The following MTMR14 variants were observed in gnomAD, a reference collection of about 807,000 sequenced individuals.
MTMR14 encodes the protein phosphatidylinositol-3,5-bisphosphate 3-phosphatase MTMR14.
Under a neutral mutation model 86.3 loss-of-function variants are expected in MTMR14, and 48 were observed. The ratio of observed to expected loss-of-function variants is 0.56; its 90% CI spans 0.44 to 0.71. The LOEUF is 0.71. MTMR14 is among the 30% of genes least tolerant of loss of function. The pLI is 0.00. For synonymous variants in MTMR14, 366 were observed against 326.1 expected (o/e 1.12, Z -1.32); for missense variants, 780 against 834.6 (o/e 0.93, Z 0.81).
chr3:9,684,209 T>C (rs2075861279), intron 10 of MTMR14, among the ~76,000 whole-genome samples: 1 of 152,116 alleles, frequency 6.6e-6, no homozygotes. Context: ...CTGCAATTCA[T>C]GCAGCCCTGC....
At chr3:9,653,301 C>T (rs1354717645) in intron 1 of MTMR14, among the ~76,000 whole-genome samples, 5 of 152,168 alleles carry the variant, frequency 3.3e-5, no homozygotes, top group Non-Finnish European at 5.9e-5. Flanking sequence ...GTTTCAGTAA[C>T]CTGGACCAAG....
chr3:9,686,438 A>G (rs1405749192), intron 13 of MTMR14, among the ~76,000 whole-genome samples: 1 of 152,118 alleles, frequency 6.6e-6, no homozygotes, highest in African/African-American at 2.4e-5. Flanking sequence ...CTCCATGTAG[A>G]CAAGAGGCTC....
rs1009123384 is a variant in MTMR14 at position 9,671,070 on chromosome 3, G to A, written c.577G>A (p.Asp193Asn). 8 of 1,614,150 alleles carry A rather than the reference G, an allele frequency of 5.0e-6. No homozygotes were observed. The highest frequency in any genetic ancestry group is 6.8e-6 in the Non-Finnish European group (8 of 1,180,024). Residue 193 changes from aspartate to asparagine, a missense_variant, in exon 6 of 19, where the codon GAT becomes AAT. By Grantham distance (23) the Asp-to-Asn change is conservative (BLOSUM62 1). Transcript: ENST00000296003. ...ALRSGDTHLF[D>N]KVRGYDIKLL... ...CAGAAGTGGTGACACGCATCTTTTT[G>A]ATAAGGTCAGAGGCTATGACATCAA...
rs1170337657 is a variant in MTMR14, at chr3:9,677,163, T to C, written c.752-154T>C. On this transcript the variant is annotated intron_variant, in intron 7 of 18. Coordinates refer to ENST00000296003, the MANE Select transcript of MTMR14 (RefSeq NM_001077525.3). This position sits in a 1 kb window ranked among gnomAD's most constrained non-coding sequence, Gnocchi z 4.2. ...CTCGCCCCTGGCTTTTGCCCACCCGTGTCAGCCTTGGCCTCACTGAAGCCA... is the reference window on the plus strand; with the variant it reads ...CTCGCCCCTGGCTTTTGCCCACCCGCGTCAGCCTTGGCCTCACTGAAGCCA... Among the ~76,000 whole-genome samples the C allele has an allele frequency of 3.3e-5, 5 of 152,216 alleles. No individual in the cohort carries two copies. Among genetic ancestry groups the C allele is most frequent in the African/African-American group, 9.6e-5 (4 of 41,466 alleles).
chr3:9,685,480 G>A (rs150546901), intron 13 of MTMR14, among the ~76,000 whole-genome samples: 186 of 152,244 alleles, frequency 1.2e-3, no homozygotes, highest in African/African-American at 3.7e-3. Flanking sequence ...CACACGTCGG[G>A]GTGAGCAGTT....
At chr3:9,652,776 G>A (rs927473064) in intron 1 of MTMR14, among the ~76,000 whole-genome samples, 3 of 151,624 alleles carry the variant, frequency 2.0e-5, no homozygotes, top group Admixed American at 6.6e-5. Context: ...GATCACTTGA[G>A]ATCAGGAGTT....
intron 2 of MTMR14, among the ~76,000 whole-genome samples, chr3:9,655,930 C>T (rs931441499): frequency 2.6e-5 from 4 of 151,816 alleles, no homozygotes; most frequent in African/African-American, 7.3e-5. Flanking sequence ...CTTGGCCGGG[C>T]GTGCTGGCTC....
intron 1 of MTMR14, among the ~76,000 whole-genome samples, chr3:9,652,809 G>T (rs2047378337): frequency 6.6e-6 from 1 of 152,060 alleles, no homozygotes; most frequent in Non-Finnish European, 1.5e-5. Flanking sequence ...GGCCAGCATG[G>T]TGAAACCCCA....
chr3:9,690,940 C>G (rs899795867), intron 17 of MTMR14, among the ~76,000 whole-genome samples: 2 of 152,190 alleles, frequency 1.3e-5, no homozygotes, highest in African/African-American at 4.8e-5. Context: ...TCAAGTCAAG[C>G]TCTGCCACAT....
intron 7 of MTMR14, among the ~76,000 whole-genome samples, chr3:9,673,261 A>G (rs1266840856): frequency 6.6e-6 from 1 of 152,250 alleles, no homozygotes; most frequent in Non-Finnish European, 1.5e-5. Flanking sequence ...TGGTAGAAGA[A>G]CACATAATTG....
At chr3:9,665,731 T>A (rs2048213066) in intron 3 of MTMR14, among the ~76,000 whole-genome samples, 1 of 127,482 alleles carries the variant, frequency 7.8e-6, no homozygotes, top group Non-Finnish European at 1.7e-5. Context: ...TTCATTTTAA[T>A]TTTTTTTTTT....
At chr3:9,699,561 C>T (rs906406032) in intron 18 of MTMR14, 8 of 152,260 alleles carry the variant, frequency 5.3e-5, no homozygotes, top group African/African-American at 1.9e-4. Context: ...GCTCTATTCA[C>T]CAGCTGTATC....
intron 16 of MTMR14, 126 bp downstream of exon 16, chr3:9,689,208 G>C (rs1055440477): frequency 7.1e-7 from 1 of 1,400,804 alleles, no homozygotes; most frequent in African/African-American, 1.4e-5. Context: ...GGATAGCTCC[G>C]TGCTCCTGCT....
chr3:9,669,583 G>A (rs1039353719), intron 5 of MTMR14, 91 bp downstream of exon 5: 28 of 1,371,102 alleles, frequency 2.0e-5, no homozygotes, highest in Non-Finnish European at 2.7e-5. Context: ...GTGGGTATTT[G>A]TCACTGGTTC....
At chr3:9,690,261 G>A in intron 17 of MTMR14, 118 bp downstream of exon 17, 1 of 1,132,414 alleles carries the variant, frequency 8.8e-7, no homozygotes, top group South Asian at 1.3e-5. Flanking sequence ...TAAGCTTGCA[G>A]GCCCAGTATT....
intron 7 of MTMR14, among the ~76,000 whole-genome samples, chr3:9,673,930 G>A (rs555773407): frequency 1.3e-4 from 20 of 152,214 alleles, no homozygotes; most frequent in Non-Finnish European, 2.2e-4. Flanking sequence ...GATGATGATG[G>A]TGGTGATGAT....
At chr3:9,684,562 CCT>C (rs1232104908) in intron 10 of MTMR14, 21 bp from the exon 11 acceptor site, 1 of 1,613,048 alleles carries the variant, frequency 6.2e-7, no homozygotes, top group Non-Finnish European at 8.5e-7. Flanking sequence ...TCCTGGGCAT[CCT>C]CTCCTGCGGT....
At position 9,687,400 on chromosome 3, in the gene MTMR14, G is replaced by A. The variant is rs540232555; in HGVS notation, c.1165-421G>A. Among the ~76,000 whole-genome samples, 41 of 151,966 alleles carry A rather than the reference G, an allele frequency of 2.7e-4. No individual in the cohort carries two copies. The South Asian group carries it at 3.7e-3, about 14-fold the overall frequency. On this transcript the variant is annotated intron_variant, in intron 13 of 18. Transcript: ENST00000296003. ...GAAACCCTGTCTCTAATAAAAATGC[G>A]AACAATGAGCTGGGCATGGTGGCGG...
chr3:9,689,354 G>A (rs549270744), intron 16 of MTMR14, among the ~76,000 whole-genome samples: 36 of 152,346 alleles, frequency 2.4e-4, no homozygotes, highest in African/African-American at 7.7e-4. Context: ...GTCTGGGGAG[G>A]CTGGTATTGG....
Sources: gnomAD v4.1 joint callset for allele counts (sites outside exome capture counted in the v4.1 genomes callset) on GRCh38, gnomAD v4.1.1 for gene constraint, Gnocchi (gnomAD v3.1) non-coding constraint, MANE v1.5 for transcripts, NCBI Gene and HGNC (gene_info 2026-07-23, HGNC 2026-07-21) for gene names.